CD47: variants seen among roughly 807,000 people sequenced by gnomAD.
CD47 encodes CD47 molecule, also known as leukocyte surface antigen CD47.
A neutral mutation model predicts 44.6 loss-of-function variants in CD47; 11 were observed. That is an observed-to-expected ratio of 0.25 (90% CI 0.16 to 0.41). CD47 has a LOEUF of 0.41. Among genes scored for constraint, CD47 ranks in the 10% least tolerant of loss-of-function variants. The probability of loss-of-function intolerance (pLI) is 1.00; values close to 1 mark genes in which losing one functional copy is unlikely to be tolerated. For synonymous variants in CD47, 140 were observed against 136.3 expected (o/e 1.03, Z -0.19); for missense variants, 306 against 386.7 (o/e 0.79, Z 1.75).
At chr3:108,068,586 G>T (rs1026900748) in intron 3 of CD47, among the ~76,000 whole-genome samples, 1 of 152,172 alleles carries the variant, frequency 6.6e-6, no homozygotes, top group Non-Finnish European at 1.5e-5. Context: ...GTGGTAAACA[G>T]TACTAGTTCA....
intron 4 of CD47, 115 bp from the exon 5 acceptor site, chr3:108,059,659 C>T (rs755508898): frequency 1.5e-4 from 71 of 467,374 alleles, no homozygotes; most frequent in Non-Finnish European, 2.5e-4. Context: ...TCCCTGAAAA[C>T]CTCACACAAA....
At chr3:108,078,840 A>G (rs2079360376) in intron 2 of CD47, among the ~76,000 whole-genome samples, 1 of 152,046 alleles carries the variant, frequency 6.6e-6, no homozygotes, top group Non-Finnish European at 1.5e-5. Flanking sequence ...AACAACTAAC[A>G]TTTACAACAC....
intron 1 of CD47, among the ~76,000 whole-genome samples, chr3:108,089,616 G>C (rs1358208925): frequency 7.9e-5 from 12 of 152,068 alleles, no homozygotes; most frequent in Non-Finnish European, 4.4e-5. Flanking sequence ...CGTGATGACA[G>C]GAAACACTAA....
At chr3:108,078,128 A>G (rs921346219) in intron 2 of CD47, among the ~76,000 whole-genome samples, 12 of 152,098 alleles carry the variant, frequency 7.9e-5, no homozygotes, top group Non-Finnish European at 1.2e-4. Flanking sequence ...GAAGCTCTCT[A>G]TCTTTGAATC....
At chr3:108,069,511 G>GTTTT (rs71299349) in intron 3 of CD47, among the ~76,000 whole-genome samples, 1 of 140,478 alleles carries the variant, frequency 7.1e-6, no homozygotes, top group Admixed American at 7.0e-5. Flanking sequence ...CTACAGATGA[G>GTTTT]TTTTTTTTTT....
chr3:108,082,714 C>T (rs1205769133), intron 1 of CD47, among the ~76,000 whole-genome samples: 1 of 151,860 alleles, frequency 6.6e-6, no homozygotes, highest in Non-Finnish European at 1.5e-5. Context: ...TCCACCATTT[C>T]ATAACATATG....
At position 108,047,194 on chromosome 3, in the gene CD47, A is replaced by G. The variant is rs1001869666; in HGVS notation, c.*94T>C. ...GTTACTTTTCTTGTTTCTTCTCCCC[A>G]ACAGTGAATCATCAAGGCCATGGTG... On this transcript the variant is annotated 3_prime_UTR_variant, in exon 11 of 11. Coordinates refer to ENST00000361309, the MANE Select transcript of CD47 (RefSeq NM_001777.4). The G allele has an allele frequency of 3.0e-6, 3 of 1,008,250 alleles. No homozygotes were observed. The highest frequency in any genetic ancestry group is 4.6e-6 in the Non-Finnish European group (3 of 656,552). 62.5% of individuals were successfully genotyped at this position (1,008,250 alleles called of 1,614,324 possible).
In CD47 at chr3:108,046,432, T is replaced by A. The variant is rs2078723386; in HGVS notation, c.*856A>T. 6.6e-6 allele frequency: 1 copy of A among 152,630 alleles called. No individual in the cohort carries two copies. Among genetic ancestry groups the A allele is most frequent in the African/African-American group, 2.4e-5 (1 of 41,446 alleles). The allele number at this position is 152,630 out of a possible 1,614,324, so 9.5% of individuals were successfully genotyped here. A position where few individuals can be genotyped will look rare whatever the true frequency, so the allele number is the denominator to read the frequency against. ...CCATAGCTATTTTTGCTGAAAAGTG[T>A]GAACACAGTGCTCTGAGAACAAGTC... On this transcript the variant is annotated 3_prime_UTR_variant, in exon 11 of 11. Coordinates refer to ENST00000361309, the MANE Select transcript of CD47 (RefSeq NM_001777.4).
At chr3:108,052,664 A>C (rs2078848255) in intron 7 of CD47, 1 of 152,334 alleles carries the variant, frequency 6.6e-6, no homozygotes, top group African/African-American at 2.4e-5. Flanking sequence ...TAAAAAAAAC[A>C]AATGAGAAGG....
chr3:108,063,182 C>T (rs1383185154), intron 3 of CD47, among the ~76,000 whole-genome samples: 1 of 152,170 alleles, frequency 6.6e-6, no homozygotes, highest in Non-Finnish European at 1.5e-5. Context: ...ATTAGTTCAA[C>T]TACTACTTAT....
intron 4 of CD47, among the ~76,000 whole-genome samples, 165 bp from the exon 5 acceptor site, chr3:108,059,709 T>C (rs1331153950): frequency 1.3e-5 from 2 of 152,226 alleles, no homozygotes; most frequent in Non-Finnish European, 2.9e-5. Flanking sequence ...ACTTAAGACA[T>C]CTAAATCTCA....
Position 108,046,010 on chromosome 3 carries a change from C to A in CD47, c.*1278G>T, listed in dbSNP as rs2078717385. The A allele has an allele frequency of 6.6e-6, 1 of 152,224 alleles. No homozygotes were observed. The highest frequency in any genetic ancestry group is 2.4e-5 in the African/African-American group (1 of 41,456). 9.4% of individuals were successfully genotyped at this position (152,224 alleles called of 1,614,324 possible). A position where few individuals can be genotyped will look rare whatever the true frequency, so the allele number is the denominator to read the frequency against. ...TGCATGTGCCTATCTCATACGTATG[C>A]ACATACAAACACACATCCACAAACA... is the stretch of plus-strand genomic sequence containing the variant. On this transcript the variant is annotated 3_prime_UTR_variant, in exon 11 of 11. Coordinates refer to ENST00000361309, the MANE Select transcript of CD47 (RefSeq NM_001777.4).
At position 108,057,556 on chromosome 3, in the gene CD47, C is replaced by T. The variant is rs762111109; in HGVS notation, c.798G>A (p.Met266Ile). The change falls in exon 7 of 11, where the codon ATG (methionine) becomes ATA (isoleucine). Residue 266 changes from methionine (M) to isoleucine (I), a missense_variant. Met to Ile is a conservative substitution (Grantham distance 10, BLOSUM62 1). Coordinates refer to ENST00000361309, the MANE Select transcript of CD47 (RefSeq NM_001777.4). ...LSLCIAACIP[M>I]HGPLLISGLS... ...AACCTGAAATCAGAAGAGGGCCATG[C>T]ATTGGTATACACGCTGTAAAAACAA... The T allele has an allele frequency of 4.0e-6, 6 of 1,512,228 alleles. No homozygotes were observed. In the South Asian group the frequency reaches 5.6e-5, roughly 14 times the overall value. The allele number at this position is 1,512,228 out of a possible 1,614,324, so 93.7% of individuals were successfully genotyped here.
At chr3:108,072,142 T>C (rs967652443) in intron 2 of CD47, among the ~76,000 whole-genome samples, 4 of 152,200 alleles carry the variant, frequency 2.6e-5, no homozygotes, top group Admixed American at 6.5e-5. Context: ...AGCTGTGAAG[T>C]TTCTGCTCTA....
chr3:108,069,734 T>C (rs970793298), intron 3 of CD47, among the ~76,000 whole-genome samples: 1 of 152,118 alleles, frequency 6.6e-6, no homozygotes, highest in Non-Finnish European at 1.5e-5. Flanking sequence ...AAAATCGCAC[T>C]ATGTGAAATA....
intron 7 of CD47, chr3:108,055,702 A>C (rs2108228126): frequency 2.5e-6 from 1 of 401,064 alleles, no homozygotes. Flanking sequence ...ATGCTAACCT[A>C]TGACAAAGAA....
chr3:108,072,029 C>A (rs1003484463), intron 2 of CD47, among the ~76,000 whole-genome samples: 3 of 152,082 alleles, frequency 2.0e-5, no homozygotes, highest in Non-Finnish European at 4.4e-5. Flanking sequence ...TCCACATATC[C>A]TATATAAAGG....
chr3:108,077,526 C>T (rs752981737), intron 2 of CD47, among the ~76,000 whole-genome samples: 1 of 152,076 alleles, frequency 6.6e-6, no homozygotes, highest in Admixed American at 6.6e-5. Context: ...CCATACAGCC[C>T]AGTAACCATA....
chr3:108,054,033 G>A (rs2078873248), intron 7 of CD47: 1 of 152,172 alleles, frequency 6.6e-6, no homozygotes, highest in Non-Finnish European at 1.5e-5. Flanking sequence ...ATGGTAATAT[G>A]GAAGTTCAGA....
Sources: gnomAD v4.1 joint callset for allele counts (sites outside exome capture counted in the v4.1 genomes callset) on GRCh38, gnomAD v4.1.1 for gene constraint, MANE v1.5 for transcripts, NCBI Gene and HGNC (gene_info 2026-07-23, HGNC 2026-07-21) for gene names.